The following ATP11A variants were observed in gnomAD, a reference collection of about 807,000 sequenced individuals.
ATP11A encodes phospholipid-transporting ATPase IH.
Under a neutral mutation model 154.4 loss-of-function variants are expected in ATP11A, and 81 were observed. The ratio of observed to expected loss-of-function variants is 0.52; its 90% CI spans 0.44 to 0.63. The LOEUF is 0.63. Ranked by LOEUF, ATP11A falls within the 30% of genes least tolerant of loss-of-function variation. ATP11A has a pLI of 0.00. For synonymous variants in ATP11A, 623 were observed against 585.9 expected, an observed-to-expected ratio of 1.06 and a Z score of -0.91; for missense variants, 1,316 against 1,474.3, an observed-to-expected ratio of 0.89 and a Z score of 1.76.
In ATP11A at chr13:112,794,019, C is replaced by T. The variant is rs530263139; in HGVS notation, c.162+8762C>T. Among the ~76,000 whole-genome samples, 127 of 152,312 alleles carry T rather than the reference C, an allele frequency of 8.3e-4. 1 individual carries two copies. Among genetic ancestry groups the T allele is most frequent in the African/African-American group, 3.0e-3 (123 of 41,566 alleles). Reference sequence around the variant, plus strand: ...GGGCAGCTGTGGACTCTGGCTATGGCGTCTGTCGTACAAGTGAGAAACGAA... The same window carrying T: ...GGGCAGCTGTGGACTCTGGCTATGGTGTCTGTCGTACAAGTGAGAAACGAA... On this transcript the variant is annotated intron_variant, in intron 2 of 29. Coordinates refer to ENST00000375645, the MANE Select transcript of ATP11A (RefSeq NM_015205.3).
Position 112,882,441 on chromosome 13 carries a change from G to A in ATP11A, c.*575G>A. On this transcript the variant is annotated 3_prime_UTR_variant, in exon 30 of 30. Coordinates refer to ENST00000375645, the MANE Select transcript of ATP11A (RefSeq NM_015205.3). This position sits in a 1 kb window ranked among gnomAD's most constrained non-coding sequence, Gnocchi z 5.1. ...ACCCATGCCCTCCATAGGGTGAGGT[G>A]GAGCCATGGTGGTGCGTCCTTTACT... 1 of 443,558 alleles carries A rather than the reference G, an allele frequency of 2.3e-6. No homozygotes were observed. Among genetic ancestry groups the A allele is most frequent in the Non-Finnish European group, 4.1e-6 (1 of 246,718 alleles). 27.5% of individuals were successfully genotyped at this position (443,558 alleles called of 1,614,324 possible). A position where few individuals can be genotyped will look rare whatever the true frequency, so the allele number is the denominator to read the frequency against.
At chr13:112,854,912 G>T (rs147500465) in intron 19 of ATP11A, among the ~76,000 whole-genome samples, 3,192 of 152,308 alleles carry the variant, frequency 0.021, 104 homozygotes, top group African/African-American at 0.067. Flanking sequence ...TATTAATAAT[G>T]CATGGTTGTT....
At chr13:112,802,287 G>A (rs367896371) in intron 2 of ATP11A, among the ~76,000 whole-genome samples, 29 of 152,100 alleles carry the variant, frequency 1.9e-4, no homozygotes, top group Admixed American at 5.2e-4. Context: ...CAGAGCTTGC[G>A]GTGAGCCGAG....
At position 112,876,115 on chromosome 13, in the gene ATP11A, C is replaced by T. The variant is rs563575804; in HGVS notation, c.3327+174C>T. ...TGATGTTAAACATCAGGTACATTTG[C>T]GATGACCGATGTCTAATTTTATGTT... On this transcript the variant is annotated intron_variant, in intron 28 of 29. Transcript: ENST00000375645. The T allele has an allele frequency of 7.9e-5, 44 of 556,666 alleles. 1 individual carries two copies. The South Asian group carries it at 1.6e-3, about 20-fold the overall frequency. 34.5% of individuals were successfully genotyped at this position (556,666 alleles called of 1,614,324 possible). A position where few individuals can be genotyped will look rare whatever the true frequency, so the allele number is the denominator to read the frequency against.
At chr13:112,856,394 C>T (rs900521131) in intron 20 of ATP11A, 18 of 205,000 alleles carry the variant, frequency 8.8e-5, no homozygotes, top group African/African-American at 3.7e-4. Context: ...AGAATCTACA[C>T]TAAAGGTGTA....
intron 5 of ATP11A, among the ~76,000 whole-genome samples, chr13:112,815,194 A>G (rs750947762): frequency 3.9e-5 from 6 of 151,968 alleles, no homozygotes; most frequent in Non-Finnish European, 8.8e-5. Flanking sequence ...CACAGTCCAG[A>G]TCTGCGATGG....
intron 2 of ATP11A, among the ~76,000 whole-genome samples, chr13:112,791,801 T>A (rs1017186196): frequency 1.3e-5 from 2 of 152,194 alleles, no homozygotes; most frequent in Non-Finnish European, 2.9e-5. Flanking sequence ...CTCTTCAGTT[T>A]CTGATCCGGG....
chr13:112,692,864 A>G (rs574833993), intron 1 of ATP11A, among the ~76,000 whole-genome samples: 88 of 152,196 alleles, frequency 5.8e-4, no homozygotes, highest in Non-Finnish European at 9.8e-4. Context: ...ACTAAATTAT[A>G]TTTCCTTTTG....
At chr13:112,871,051 G>T (rs562097563) in intron 25 of ATP11A, among the ~76,000 whole-genome samples, 1 of 152,220 alleles carries the variant, frequency 6.6e-6, no homozygotes, top group African/African-American at 2.4e-5. Flanking sequence ...GGCAGCCTCT[G>T]TCCAGCCCTG....
At position 112,845,010 on chromosome 13, in the gene ATP11A, C is replaced by T. The variant is rs564914323; in HGVS notation, c.1809+2631C>T. Among the ~76,000 whole-genome samples, 17 of 151,812 alleles carry T rather than the reference C, an allele frequency of 1.1e-4. No homozygotes were observed. In the East Asian group the frequency reaches 3.3e-3, roughly 29 times the overall value. Reference sequence around the variant, plus strand: ...TGGTACTAATCAGTCCAGTTGCCAGCCGCTAGCAGTACTAGTCCAGTTACC... The same window carrying T: ...TGGTACTAATCAGTCCAGTTGCCAGTCGCTAGCAGTACTAGTCCAGTTACC... On this transcript the variant is annotated intron_variant, in intron 17 of 29. Transcript: ENST00000375645.
At position 112,886,419 on chromosome 13, in the gene ATP11A, A is replaced by G. The variant is rs2080981900; in HGVS notation, c.*4553A>G. 6.6e-6 allele frequency: 1 copy of G among 152,250 alleles called. No individual in the cohort carries two copies. The highest frequency in any genetic ancestry group is 2.1e-4 in the South Asian group (1 of 4,836). 9.4% of individuals were successfully genotyped at this position (152,250 alleles called of 1,614,324 possible). A position where few individuals can be genotyped will look rare whatever the true frequency, so the allele number is the denominator to read the frequency against. ...CTCTTATTTAATGTTAGTATTATTT[A>G]TTTGACAACTCAGTGTCTAACAGCT... is the stretch of plus-strand genomic sequence containing the variant. On this transcript the variant is annotated 3_prime_UTR_variant, in exon 30 of 30. Transcript: ENST00000375645.
At chr13:112,877,102 C>G (rs946605521) in intron 28 of ATP11A, among the ~76,000 whole-genome samples, 3 of 152,196 alleles carry the variant, frequency 2.0e-5, no homozygotes, top group Non-Finnish European at 2.9e-5. Context: ...GTGAAAATGT[C>G]CACACACAGC....
intron 25 of ATP11A, 99 bp from the exon 26 acceptor site, chr13:112,871,636 A>C: frequency 8.9e-7 from 1 of 1,119,996 alleles, no homozygotes; most frequent in Non-Finnish European, 1.4e-6. Flanking sequence ...AAGTGTTGGC[A>C]CACAAGAAAA....
intron 1 of ATP11A, among the ~76,000 whole-genome samples, chr13:112,706,889 T>A (rs1024108072): frequency 4.6e-5 from 7 of 152,364 alleles, no homozygotes; most frequent in Admixed American, 2.6e-4. Flanking sequence ...CACACATCAT[T>A]TTAATGTGAA....
At chr13:112,860,853 G>A (rs897289611) in intron 24 of ATP11A, 1 of 154,152 alleles carries the variant, frequency 6.5e-6, no homozygotes, top group Admixed American at 6.4e-5. Context: ...ATATGGAAGA[G>A]ATATTTTTCT....
chr13:112,807,511 C>T lies in ATP11A; in HGVS notation c.333+1218C>T, dbSNP rs140809358. ...GAGAACAGAACATGAGGGAGACTCA[C>T]GCTTCCCAAGGACGCGCTGCCTGTG... On this transcript the variant is annotated intron_variant, in intron 4 of 29. Transcript: ENST00000375645. This position sits in a 1 kb window ranked among gnomAD's most constrained non-coding sequence, Gnocchi z 4.5. Among the ~76,000 whole-genome samples, 439 of 152,300 alleles carry T rather than the reference C, an allele frequency of 2.9e-3. No individual in the cohort carries two copies. Among genetic ancestry groups the T allele is most frequent in the Non-Finnish European group, 3.6e-3 (247 of 68,016 alleles).
At chr13:112,777,034 G>A (rs190268969) in intron 1 of ATP11A, among the ~76,000 whole-genome samples, 3 of 152,282 alleles carry the variant, frequency 2.0e-5, no homozygotes, top group African/African-American at 7.2e-5. Context: ...TCTCTGCACC[G>A]CGGGTTTGGA....
intron 13 of ATP11A, 99 bp from the exon 14 acceptor site, chr13:112,832,761 C>A: frequency 1.4e-6 from 2 of 1,443,160 alleles, no homozygotes; most frequent in Non-Finnish European, 1.9e-6. Flanking sequence ...CCGCGGGGAC[C>A]CCCCCCACCC....
rs975229767 is a variant in ATP11A at position 112,885,162 on chromosome 13, G to C, written c.*3296G>C. ...GCACGTGTACACATACCACAGACAC[G>C]CGTGTGCATGCTCCTACACAATACA... On this transcript the variant is annotated 3_prime_UTR_variant, in exon 30 of 30. Coordinates refer to ENST00000375645, the MANE Select transcript of ATP11A (RefSeq NM_015205.3). 6.6e-6 allele frequency: 1 copy of C among 152,124 alleles called. No individual in the cohort carries two copies. Among genetic ancestry groups the C allele is most frequent in the Admixed American group, 6.5e-5 (1 of 15,270 alleles). 9.4% of individuals were successfully genotyped at this position (152,124 alleles called of 1,614,324 possible).
Sources: allele counts gnomAD v4.1 joint callset (sites outside exome capture counted in the v4.1 genomes callset), GRCh38; gene constraint gnomAD v4.1.1; non-coding constraint Gnocchi (gnomAD v3.1); transcripts MANE v1.5; gene names NCBI Gene and HGNC (gene_info 2026-07-23, HGNC 2026-07-21).